AOPEP: variants seen among roughly 807,000 people sequenced by gnomAD.
The protein encoded by AOPEP is aminopeptidase O (putative).
A neutral mutation model predicts 98.1 loss-of-function variants in AOPEP; 77 were observed. The ratio of observed to expected loss-of-function variants is 0.78; its 90% CI spans 0.65 to 0.95. The LOEUF (loss-of-function observed/expected upper bound fraction) is 0.95. Among genes scored for constraint, AOPEP ranks in the 40% least tolerant of loss-of-function variants. The pLI is 0.00. For missense variants in AOPEP, 1,024 were observed against 1,024.7 expected (o/e 1.00, Z 0.01); for synonymous variants, 346 against 365.3 (o/e 0.95, Z 0.60).
chr9:94,844,443 T>G (rs1481778845), intron 5 of AOPEP, among the ~76,000 whole-genome samples: 3 of 152,236 alleles, frequency 2.0e-5, no homozygotes, highest in Non-Finnish European at 4.4e-5. Context: ...AATGGTCAAA[T>G]CGGAGTAATT....
At chr9:95,003,165 TGC>T (rs58360838) in intron 11 of AOPEP, among the ~76,000 whole-genome samples, 5,764 of 146,000 alleles carry the variant, frequency 0.039, 214 homozygotes, top group East Asian at 0.11. Flanking sequence ...TGTGTGTGTG[TGC>T]GCGCGCGCGC....
the AOPEP span, among the ~76,000 whole-genome samples, chr9:95,095,136 C>G: frequency 1.3e-5 from 2 of 152,234 alleles, no homozygotes; most frequent in East Asian, 3.8e-4. Context: ...ATGGATAGAT[C>G]AGAGTTCTAG....
intron 5 of AOPEP, among the ~76,000 whole-genome samples, chr9:94,913,859 A>C (rs936574697): frequency 6.6e-6 from 1 of 152,244 alleles, no homozygotes; most frequent in African/African-American, 2.4e-5. Flanking sequence ...ATTATAAGCC[A>C]TTAGTGGCTA....
the AOPEP span, chr9:95,117,242 TGAG>T: frequency 1.8e-5 from 24 of 1,317,794 alleles, no homozygotes; most frequent in Admixed American, 2.6e-4. Flanking sequence ...AAGGGCCTGA[TGAG>T]GAGGTCATAA....
chr9:94,807,925 G>A (rs537340487), intron 5 of AOPEP, among the ~76,000 whole-genome samples: 1 of 152,326 alleles, frequency 6.6e-6, no homozygotes, highest in African/African-American at 2.4e-5. Context: ...TGCAGCTGGA[G>A]CCCACCTCTG....
intron 12 of AOPEP, 152 bp downstream of exon 12, chr9:95,005,372 G>T: frequency 1.2e-6 from 1 of 801,430 alleles, no homozygotes. Flanking sequence ...GACGAAGGTC[G>T]CGGCCCCTGC....
At chr9:94,875,517 A>G (rs2046846470) in intron 5 of AOPEP, among the ~76,000 whole-genome samples, 1 of 152,200 alleles carries the variant, frequency 6.6e-6, no homozygotes, top group South Asian at 2.1e-4. Flanking sequence ...GAATTGGTTT[A>G]TACCTCGACC....
At chr9:94,790,414 G>A (rs982367691) in intron 3 of AOPEP, among the ~76,000 whole-genome samples, 2 of 152,072 alleles carry the variant, frequency 1.3e-5, no homozygotes, top group African/African-American at 4.8e-5. Flanking sequence ...TGATCCGCCT[G>A]CCTCTGCCTC....
chr9:94,866,227 AT>A (rs1313495599), intron 5 of AOPEP, among the ~76,000 whole-genome samples: 1 of 152,190 alleles, frequency 6.6e-6, no homozygotes, highest in African/African-American at 2.4e-5. Flanking sequence ...AAATCAGTGT[AT>A]TTCTGAAGAA....
chr9:95,109,585 G>C, the AOPEP span: 3 of 152,082 alleles, frequency 2.0e-5, no homozygotes, highest in African/African-American at 7.2e-5. Context: ...TGGTGGAAAG[G>C]GTGGCTTGCC....
chr9:94,928,310 T>A, intron 6 of AOPEP, 115 bp from the exon 7 acceptor site: 1 of 729,118 alleles, frequency 1.4e-6, no homozygotes, highest in Non-Finnish European at 2.2e-6. Context: ...GGAAGCAAGG[T>A]GAGAGCAGGG....
At chr9:95,135,125 A>G in the AOPEP span, among the ~76,000 whole-genome samples, 1 of 152,248 alleles carries the variant, frequency 6.6e-6, no homozygotes, top group Non-Finnish European at 1.5e-5. Context: ...GATATACGGC[A>G]TATCAATCAA....
At chr9:94,928,192 T>C (rs1347486931) in intron 6 of AOPEP, among the ~76,000 whole-genome samples, 1 of 151,956 alleles carries the variant, frequency 6.6e-6, no homozygotes, top group African/African-American at 2.4e-5. Flanking sequence ...CAAGGCGACC[T>C]CCGCCAAACA....
chr9:94,746,854 A>G (rs1372174174), intron 1 of AOPEP, among the ~76,000 whole-genome samples: 3 of 152,124 alleles, frequency 2.0e-5, no homozygotes, highest in Admixed American at 6.5e-5. Context: ...TTTGTTTTCA[A>G]TGTTCACATT....
rs2057818737 is a variant in AOPEP, at chr9:94,948,118, G to A, written c.1662-7059G>A. On this transcript the variant is annotated intron_variant, in intron 7 of 16. Coordinates refer to ENST00000375315, the MANE Select transcript of AOPEP (RefSeq NM_001193329.3). The stretch of plus-strand genomic sequence containing the variant: ...TCATTGGACCCTCAGTTCAGCCTGC[G>A]GTTGCTGTTCTTGACTGTGGATGCT... 3.9e-5 allele frequency among the ~76,000 whole-genome samples: 6 copies of A among 152,146 alleles called. No individual in the cohort carries two copies. In the South Asian group the frequency reaches 1.0e-3, roughly 26 times the overall value.
At chr9:94,894,134 T>C (rs1357685769) in intron 5 of AOPEP, among the ~76,000 whole-genome samples, 1 of 152,084 alleles carries the variant, frequency 6.6e-6, no homozygotes, top group Non-Finnish European at 1.5e-5. Flanking sequence ...TGATGAAAAA[T>C]GTATAGTCTA....
intron 4 of AOPEP, among the ~76,000 whole-genome samples, chr9:94,793,830 T>A (rs1846310010): frequency 6.6e-6 from 1 of 152,234 alleles, no homozygotes; most frequent in Non-Finnish European, 1.5e-5. Flanking sequence ...ATTCAAGGAA[T>A]CCTCAGATTC....
intron 5 of AOPEP, among the ~76,000 whole-genome samples, chr9:94,812,325 A>G (rs1390579838): frequency 1.3e-5 from 2 of 152,068 alleles, no homozygotes; most frequent in African/African-American, 4.8e-5. Context: ...CCCCTTAGAT[A>G]TCTTGCTGAG....
At chr9:94,793,070 G>A in intron 4 of AOPEP, 152 bp downstream of exon 4, 1 of 955,524 alleles carries the variant, frequency 1.0e-6, no homozygotes, top group Non-Finnish European at 1.5e-6. Context: ...AGCCCTATTA[G>A]AAAGGAAAGA....
Sources: gnomAD v4.1 joint callset for allele counts (sites outside exome capture counted in the v4.1 genomes callset) on GRCh38, gnomAD v4.1.1 for gene constraint, MANE v1.5 for transcripts, NCBI Gene and HGNC (gene_info 2026-07-23, HGNC 2026-07-21) for gene names.